Variants in HIVEP2 observed in about 807,000 individuals in gnomAD.
HIVEP2 encodes the protein transcription factor HIVEP2.
HIVEP2 carries 14 observed loss-of-function variants against 180.7 expected under a neutral mutation model. That is an observed-to-expected ratio of 0.08 (90% CI 0.05 to 0.12). The LOEUF is 0.12. Ranked by LOEUF, HIVEP2 falls within the 10% of genes least tolerant of loss-of-function variation. HIVEP2 has a pLI of 1.00. For synonymous variants in HIVEP2, 1,184 were observed against 1,136.4 expected, an observed-to-expected ratio of 1.04 and a Z score of -0.84; for missense variants, 2,579 against 3,008.5, an observed-to-expected ratio of 0.86 and a Z score of 3.34.
chr6:142,807,779 G>A (rs1458426616), intron 2 of HIVEP2, among the ~76,000 whole-genome samples: 7 of 152,164 alleles, frequency 4.6e-5, no homozygotes, highest in Non-Finnish European at 1.0e-4. Context: ...TATGCACAAG[G>A]CCAGGAGGCC....
chr6:142,869,636 G>A (rs1776239081), intron 1 of HIVEP2, among the ~76,000 whole-genome samples: 1 of 152,140 alleles, frequency 6.6e-6, no homozygotes, highest in African/African-American at 2.4e-5. Context: ...AACTTTTAAA[G>A]CTATTTATAA....
intron 1 of HIVEP2, among the ~76,000 whole-genome samples, chr6:142,888,268 G>T (rs1309929315): frequency 3.3e-5 from 5 of 151,904 alleles, no homozygotes; most frequent in Non-Finnish European, 7.4e-5. Flanking sequence ...GCAGTGCAAT[G>T]GTGTGACCAC....
intron 2 of HIVEP2, among the ~76,000 whole-genome samples, chr6:142,792,044 A>G (rs1450434307): frequency 1.3e-5 from 2 of 152,180 alleles, no homozygotes; most frequent in African/African-American, 4.8e-5. Flanking sequence ...TGACATAGAC[A>G]AGAGAAGGGG....
chr6:142,939,086 TA>T (rs1426515157), intron 1 of HIVEP2, among the ~76,000 whole-genome samples: 8 of 152,244 alleles, frequency 5.3e-5, no homozygotes, highest in African/African-American at 9.6e-5. Flanking sequence ...TATTCCGTAG[TA>T]AAAAAAATTT....
chr6:142,923,877 CAATA>C, intron 1 of HIVEP2, among the ~76,000 whole-genome samples: 1 of 152,254 alleles, frequency 6.6e-6, no homozygotes, highest in East Asian at 1.9e-4. Flanking sequence ...TCCTGTTAGG[CAATA>C]AATAATCAAA....
chr6:142,877,863 A>G (rs1350117631), intron 1 of HIVEP2, among the ~76,000 whole-genome samples: 1 of 152,174 alleles, frequency 6.6e-6, no homozygotes, highest in Non-Finnish European at 1.5e-5. Context: ...TATTTCAACT[A>G]TTCTTTAGCT....
chr6:142,928,240 A>T (rs1196228325), intron 1 of HIVEP2, among the ~76,000 whole-genome samples: 3 of 152,182 alleles, frequency 2.0e-5, no homozygotes, highest in African/African-American at 7.2e-5. Flanking sequence ...AGCTAAAACT[A>T]CCCTAAAAAT....
chr6:142,787,647 C>T (rs930213959), intron 2 of HIVEP2, among the ~76,000 whole-genome samples: 6 of 150,998 alleles, frequency 4.0e-5, no homozygotes, highest in African/African-American at 7.3e-5. Context: ...GAAGAGGCTG[C>T]GAAGGACTAG....
chr6:142,844,774 C>T (rs1201550652), intron 1 of HIVEP2, among the ~76,000 whole-genome samples: 1 of 152,148 alleles, frequency 6.6e-6, no homozygotes. Context: ...CAATCCAATG[C>T]ACACACACAT....
chr6:142,786,964 T>C (rs189424919), intron 2 of HIVEP2, among the ~76,000 whole-genome samples: 1 of 152,298 alleles, frequency 6.6e-6, no homozygotes, highest in African/African-American at 2.4e-5. Flanking sequence ...TAGATGAGCA[T>C]TGTCATAATT....
intron 2 of HIVEP2, among the ~76,000 whole-genome samples, chr6:142,819,266 T>G (rs986915680): frequency 1.3e-5 from 2 of 151,982 alleles, no homozygotes; most frequent in African/African-American, 4.8e-5. Flanking sequence ...AGAAAAATGC[T>G]TGGGGTTCAA....
chr6:142,779,797 A>C (rs1393760313), intron 3 of HIVEP2, among the ~76,000 whole-genome samples: 1 of 152,240 alleles, frequency 6.6e-6, no homozygotes, highest in Non-Finnish European at 1.5e-5. Context: ...TATGGTATAA[A>C]ATAATAAAAC....
intron 2 of HIVEP2, among the ~76,000 whole-genome samples, chr6:142,811,050 G>A (rs897730168): frequency 1.6e-4 from 25 of 152,208 alleles, no homozygotes; most frequent in Non-Finnish European, 2.9e-4. Context: ...GAGAAAAACC[G>A]ATGTGTTTTG....
intron 1 of HIVEP2, among the ~76,000 whole-genome samples, chr6:142,856,321 A>G (rs12205948): frequency 0.18 from 26,918 of 152,104 alleles, 2,578 homozygotes; most frequent in South Asian, 0.22. Flanking sequence ...ATCTCCTTTG[A>G]CTTGCTTGGG....
At chr6:142,915,966 C>T (rs1387274974) in intron 1 of HIVEP2, among the ~76,000 whole-genome samples, 1 of 152,202 alleles carries the variant, frequency 6.6e-6, no homozygotes. Flanking sequence ...AGCCCCATCC[C>T]AATAAATTGT....
At chr6:142,841,747 ATAT>A (rs1406000865) in intron 1 of HIVEP2, among the ~76,000 whole-genome samples, 3 of 152,144 alleles carry the variant, frequency 2.0e-5, no homozygotes, top group Admixed American at 1.3e-4. Flanking sequence ...AAAAAATTGC[ATAT>A]TATTATGAAT....
At chr6:142,788,098 A>C (rs1244705315) in intron 2 of HIVEP2, 1 of 152,258 alleles carries the variant, frequency 6.6e-6, no homozygotes, top group South Asian at 2.1e-4. Context: ...TAGTGAAAAC[A>C]AACAAAAAAA....
At chr6:142,939,017 T>C (rs1778115464) in intron 1 of HIVEP2, among the ~76,000 whole-genome samples, 7 of 152,150 alleles carry the variant, frequency 4.6e-5, no homozygotes, top group Admixed American at 4.6e-4. Context: ...ATTTTAACTA[T>C]AAACATGTCT....
intron 1 of HIVEP2, among the ~76,000 whole-genome samples, chr6:142,893,036 T>C (rs1776898759): frequency 6.6e-6 from 1 of 152,176 alleles, no homozygotes; most frequent in Admixed American, 6.5e-5. Context: ...CGAAAGCAAA[T>C]ATCCCACTCA....
Sources: allele counts gnomAD v4.1 joint callset (sites outside exome capture counted in the v4.1 genomes callset), GRCh38; gene constraint gnomAD v4.1.1; transcripts MANE v1.5; gene names NCBI Gene and HGNC (gene_info 2026-07-23, HGNC 2026-07-21).